Variants in CACNA2D3 observed in about 807,000 individuals in gnomAD.
CACNA2D3 encodes the protein calcium voltage-gated channel auxiliary subunit alpha2delta 3, also known as voltage-dependent calcium channel subunit alpha-2/delta-3.
In CACNA2D3, 60 loss-of-function variants were observed where a neutral mutation model predicts 160.6. That is an observed-to-expected ratio of 0.37 (90% confidence interval 0.30 to 0.46). The LOEUF is 0.46. Among genes scored for constraint, CACNA2D3 ranks in the 20% least tolerant of loss-of-function variants. The pLI is 1.00. For synonymous variants in CACNA2D3, 558 were observed against 492.9 expected, an observed-to-expected ratio of 1.13 and a Z score of -1.75; for missense variants, 1,205 against 1,365.0, an observed-to-expected ratio of 0.88 and a Z score of 1.85.
In CACNA2D3 at chr3:54,391,809, C is replaced by G. The variant is rs556105739; in HGVS notation, c.381+5035C>G. Among the ~76,000 whole-genome samples the G allele has an allele frequency of 7.2e-5, 11 of 152,306 alleles. No individual in the cohort carries two copies. In the South Asian group the frequency reaches 2.3e-3, roughly 32 times the overall value. On this transcript the variant is annotated intron_variant, in intron 4 of 37. Coordinates refer to ENST00000474759, the MANE Select transcript of CACNA2D3 (RefSeq NM_018398.3). ...TATAGGTATGAGCCACCATGCCCAG[C>G]CTGGCAGGGTAACTTTCTTGTGGAC...
chr3:54,128,894 C>G (rs1699650593), intron 2 of CACNA2D3, among the ~76,000 whole-genome samples: 1 of 152,168 alleles, frequency 6.6e-6, no homozygotes, highest in Admixed American at 6.5e-5. Context: ...AATTTTTATA[C>G]AAGAGACATA....
At chr3:54,288,354 C>T (rs1703089177) in intron 2 of CACNA2D3, among the ~76,000 whole-genome samples, 1 of 152,154 alleles carries the variant, frequency 6.6e-6, no homozygotes, top group Admixed American at 6.5e-5. Context: ...ACACATACAC[C>T]CTCCCAAGAC....
chr3:54,328,303 C>T (rs968345824), intron 3 of CACNA2D3, among the ~76,000 whole-genome samples: 8 of 152,160 alleles, frequency 5.3e-5, no homozygotes, highest in African/African-American at 1.9e-4. Flanking sequence ...GGTTTTGAGA[C>T]GCAGTTTCAC....
At chr3:54,991,395 G>A (rs1196511573) in intron 31 of CACNA2D3, among the ~76,000 whole-genome samples, 1 of 151,884 alleles carries the variant, frequency 6.6e-6, no homozygotes, top group Non-Finnish European at 1.5e-5. Context: ...GCTAATTTTT[G>A]TATTTTTAGT....
At chr3:54,979,925 C>T (rs570498536) in intron 29 of CACNA2D3, among the ~76,000 whole-genome samples, 2 of 152,152 alleles carry the variant, frequency 1.3e-5, no homozygotes, top group Non-Finnish European at 2.9e-5. Flanking sequence ...AATTTGGTTA[C>T]TTCTGTGGCA....
chr3:54,850,790 T>C (rs1699041708), intron 17 of CACNA2D3, among the ~76,000 whole-genome samples: 1 of 152,176 alleles, frequency 6.6e-6, no homozygotes, highest in Non-Finnish European at 1.5e-5. Context: ...CCAGAAGCTG[T>C]TTGCTCTGTG....
At chr3:54,890,490 C>G (rs537953651) in intron 24 of CACNA2D3, among the ~76,000 whole-genome samples, 1 of 120,750 alleles carries the variant, frequency 8.3e-6, no homozygotes, top group Non-Finnish European at 1.7e-5. Context: ...AGCCAGACTC[C>G]GTCTCAAAAA....
chr3:54,361,673 A>G (rs1246508962), intron 3 of CACNA2D3, among the ~76,000 whole-genome samples: 2 of 152,182 alleles, frequency 1.3e-5, no homozygotes, highest in Non-Finnish European at 2.9e-5. Context: ...CTTGTGGTTG[A>G]CCATGAACTG....
intron 35 of CACNA2D3, among the ~76,000 whole-genome samples, chr3:55,062,560 C>A (rs754782336): frequency 6.6e-6 from 1 of 152,140 alleles, no homozygotes; most frequent in Non-Finnish European, 1.5e-5. Flanking sequence ...GCCTGGTTAC[C>A]TAGAGAAAGA....
intron 27 of CACNA2D3, among the ~76,000 whole-genome samples, chr3:54,955,471 A>T (rs894148958): frequency 6.6e-6 from 1 of 152,170 alleles, no homozygotes; most frequent in Non-Finnish European, 1.5e-5. Context: ...GAAAAAAGAA[A>T]AAAAAGCTCT....
chr3:54,923,098 G>T (rs1267951837), intron 27 of CACNA2D3, among the ~76,000 whole-genome samples: 1 of 152,072 alleles, frequency 6.6e-6, no homozygotes, highest in Non-Finnish European at 1.5e-5. Flanking sequence ...CCTTTCGTCA[G>T]TTCTCCCAAG....
chr3:54,274,729 G>A (rs1156332453), intron 2 of CACNA2D3, among the ~76,000 whole-genome samples: 1 of 152,190 alleles, frequency 6.6e-6, no homozygotes, highest in South Asian at 2.1e-4. Context: ...TCACCTGAAG[G>A]CTCGGCTAGG....
chr3:54,473,065 G>T (rs562072359), intron 4 of CACNA2D3, among the ~76,000 whole-genome samples: 2 of 152,092 alleles, frequency 1.3e-5, no homozygotes, highest in African/African-American at 2.4e-5. Flanking sequence ...AAAAGAGCCC[G>T]TATAGCCAAG....
intron 11 of CACNA2D3, among the ~76,000 whole-genome samples, chr3:54,700,470 A>G (rs1176035857): frequency 1.3e-5 from 2 of 152,230 alleles, no homozygotes; most frequent in Admixed American, 6.5e-5. Flanking sequence ...AAGTGTTTTA[A>G]TAATCCCATT....
intron 3 of CACNA2D3, among the ~76,000 whole-genome samples, chr3:54,360,046 C>T (rs960209616): frequency 1.3e-5 from 2 of 152,160 alleles, no homozygotes; most frequent in Non-Finnish European, 2.9e-5. Context: ...GCATCCTAGG[C>T]CAGGAGTTAG....
At chr3:54,278,750 C>T (rs551157844) in intron 2 of CACNA2D3, among the ~76,000 whole-genome samples, 8 of 152,134 alleles carry the variant, frequency 5.3e-5, no homozygotes, top group African/African-American at 7.2e-5. Flanking sequence ...AACCAAACAC[C>T]GCATGTTCTC....
intron 29 of CACNA2D3, among the ~76,000 whole-genome samples, chr3:54,983,846 G>A (rs189729037): frequency 6.6e-6 from 1 of 152,164 alleles, no homozygotes. Context: ...CATCAAGGAC[G>A]GAATTAAACC....
chr3:54,636,444 G>A (rs1282202734), intron 10 of CACNA2D3, among the ~76,000 whole-genome samples: 2 of 152,002 alleles, frequency 1.3e-5, no homozygotes, highest in Non-Finnish European at 1.5e-5. Flanking sequence ...GAGCCAGGGA[G>A]CAGAAAGCAT....
chr3:54,821,641 G>GTTCGTTCTTTCTTTCT (rs1553873526), intron 14 of CACNA2D3, among the ~76,000 whole-genome samples: 2 of 107,920 alleles, frequency 1.9e-5, no homozygotes, highest in African/African-American at 3.8e-5. Flanking sequence ...AGAGTCTTTC[G>GTTCGTTCTTTCTTTCT]TTCTTTCTTT....
Sources: gnomAD v4.1 joint callset for allele counts (sites outside exome capture counted in the v4.1 genomes callset) on GRCh38, gnomAD v4.1.1 for gene constraint, MANE v1.5 for transcripts, NCBI Gene and HGNC (gene_info 2026-07-23, HGNC 2026-07-21) for gene names.